PRKCE: variants seen among roughly 807,000 people sequenced by gnomAD.
The protein encoded by PRKCE is protein kinase C epsilon, also known as protein kinase C epsilon type.
PRKCE carries 16 observed loss-of-function variants against 85.4 expected under a neutral mutation model. The ratio of observed to expected loss-of-function variants is 0.19; its 90% CI spans 0.13 to 0.28. The LOEUF is 0.28. Ranked by LOEUF, PRKCE falls within the 10% of genes least tolerant of loss-of-function variation. The pLI is 1.00. For missense variants in PRKCE, 573 were observed against 975.2 expected (o/e 0.59, Z 5.49); for synonymous variants, 388 against 371.5 (o/e 1.04, Z -0.51).
intron 14 of PRKCE, among the ~76,000 whole-genome samples, chr2:46,162,060 C>T (rs765099408): frequency 6.6e-6 from 1 of 152,182 alleles, no homozygotes; most frequent in Non-Finnish European, 1.5e-5. Flanking sequence ...CACTAACACG[C>T]AGGCATTGCC....
intron 10 of PRKCE, among the ~76,000 whole-genome samples, chr2:46,044,202 G>A (rs1285422616): frequency 6.6e-6 from 1 of 152,158 alleles, no homozygotes; most frequent in Non-Finnish European, 1.5e-5. Context: ...GTGCTTAGTG[G>A]GTACAGAATG....
At chr2:46,002,407 C>T (rs1013331067) in intron 7 of PRKCE, among the ~76,000 whole-genome samples, 1 of 152,242 alleles carries the variant, frequency 6.6e-6, no homozygotes, top group African/African-American at 2.4e-5. Flanking sequence ...CTGCAATCTT[C>T]CGCCTAAATA....
intron 10 of PRKCE, among the ~76,000 whole-genome samples, chr2:46,022,750 G>T (rs1019870060): frequency 6.6e-6 from 1 of 152,204 alleles, no homozygotes; most frequent in Non-Finnish European, 1.5e-5. Flanking sequence ...CACACAGAAG[G>T]TTCAATAAAT....
chr2:46,088,225 C>T (rs953584299), intron 11 of PRKCE, among the ~76,000 whole-genome samples: 1 of 152,150 alleles, frequency 6.6e-6, no homozygotes, highest in African/African-American at 2.4e-5. Flanking sequence ...ATACCTTTCT[C>T]TCCTCACTTC....
intron 10 of PRKCE, among the ~76,000 whole-genome samples, chr2:46,016,715 C>A (rs1558963955): frequency 6.6e-6 from 1 of 152,026 alleles, no homozygotes; most frequent in African/African-American, 2.4e-5. Flanking sequence ...TCGAGACCAG[C>A]CTGACCAATT....
intron 2 of PRKCE, among the ~76,000 whole-genome samples, chr2:45,901,216 C>G (rs1445400578): frequency 6.6e-6 from 1 of 152,168 alleles, no homozygotes; most frequent in Non-Finnish European, 1.5e-5. Context: ...GAACTTAGTA[C>G]AAATTGTGCT....
intron 1 of PRKCE, among the ~76,000 whole-genome samples, chr2:45,694,807 G>C (rs934001058): frequency 3.3e-5 from 5 of 152,194 alleles, no homozygotes; most frequent in African/African-American, 1.2e-4. Flanking sequence ...AGTGTATCTG[G>C]GGGTGGATGG....
At chr2:45,862,374 G>A (rs1693238983) in intron 2 of PRKCE, among the ~76,000 whole-genome samples, 1 of 152,150 alleles carries the variant, frequency 6.6e-6, no homozygotes. Context: ...CCTCTCCAGT[G>A]GAACTTGGCC....
chr2:46,171,296 G>A (rs372056609), intron 14 of PRKCE, among the ~76,000 whole-genome samples: 1 of 152,142 alleles, frequency 6.6e-6, no homozygotes, highest in African/African-American at 2.4e-5. Context: ...ATCTCCTGGG[G>A]TGCCCCTAAT....
rs1167109151 is a variant in PRKCE, at chr2:45,652,409, G to C, written c.309G>C (p.Glu103Asp). 6 of 1,610,954 alleles carry C rather than the reference G, an allele frequency of 3.7e-6. No homozygotes were observed. Among genetic ancestry groups the C allele is most frequent in the Non-Finnish European group, 5.1e-6 (6 of 1,179,718 alleles). The stretch of plus-strand genomic sequence containing the variant: ...TGGCCAACTGCACCATCCAGTTTGA[G>C]GAGCTGCTGCAGAACGGGAGCCGCC... ...DFVANCTIQFEELLQNGSRHF... is the reference protein window; with the variant it reads ...DFVANCTIQFDELLQNGSRHF... Residue 103 changes from glutamate to aspartate, a missense_variant, in exon 1 of 15, where the codon GAG (glutamate) becomes GAC (aspartate). Transcript: ENST00000306156. This position sits in a 1 kb window ranked among gnomAD's most constrained non-coding sequence, Gnocchi z 7.7.
intron 6 of PRKCE, among the ~76,000 whole-genome samples, chr2:45,986,624 G>A (rs1396738295): frequency 6.6e-6 from 1 of 152,200 alleles, no homozygotes; most frequent in Non-Finnish European, 1.5e-5. Context: ...TCTGAAAGAG[G>A]AAGTCTTTTT....
Position 45,927,936 on chromosome 2 carries a change from TG to T in PRKCE, c.413-48486del, listed in dbSNP as rs553822550. ...CTTCACTCACGGAGGCAGGAGAGGG[TG>T]GGGGGGCCTGGGTGGTACTGGAGGA... On this transcript the variant is annotated intron_variant, in intron 2 of 14. Transcript: ENST00000306156. Among the ~76,000 whole-genome samples the T allele has an allele frequency of 3.7e-5, 5 of 136,974 alleles. No homozygotes were observed. In the East Asian group the frequency reaches 9.6e-4, roughly 26 times the overall value. The allele number at this position is 136,974 out of a possible 152,430, so 89.9% of individuals were successfully genotyped here.
At chr2:45,841,062 A>C (rs140222883) in intron 1 of PRKCE, among the ~76,000 whole-genome samples, 12 of 152,312 alleles carry the variant, frequency 7.9e-5, no homozygotes, top group African/African-American at 2.9e-4. Context: ...ACAGTGAGCT[A>C]CGAACTAGGG....
chr2:46,178,329 C>T (rs1234349342), intron 14 of PRKCE, among the ~76,000 whole-genome samples: 1 of 152,166 alleles, frequency 6.6e-6, no homozygotes, highest in African/African-American at 2.4e-5. Context: ...GCCAGATGAC[C>T]CCTCTATACA....
At chr2:46,119,420 G>A (rs538012686) in intron 11 of PRKCE, among the ~76,000 whole-genome samples, 1 of 152,136 alleles carries the variant, frequency 6.6e-6, no homozygotes, top group South Asian at 2.1e-4. Flanking sequence ...AAGTGGGTGG[G>A]GGGAGACATT....
At chr2:45,737,652 T>C (rs1040051205) in intron 1 of PRKCE, among the ~76,000 whole-genome samples, 1 of 152,084 alleles carries the variant, frequency 6.6e-6, no homozygotes, top group Admixed American at 6.6e-5. Context: ...CCTGGAGCCT[T>C]AAGACACAGA....
chr2:46,178,603 T>G (rs373653442), intron 14 of PRKCE, among the ~76,000 whole-genome samples: 2 of 152,338 alleles, frequency 1.3e-5, no homozygotes, highest in South Asian at 4.1e-4. Context: ...TATATGTATC[T>G]ATATGAGGAT....
intron 2 of PRKCE, among the ~76,000 whole-genome samples, chr2:45,944,168 G>A (rs1256225682): frequency 3.3e-5 from 5 of 152,158 alleles, no homozygotes; most frequent in South Asian, 2.1e-4. Flanking sequence ...GAATCACTTC[G>A]TTGGTGACTC....
chr2:46,166,824 C>G (rs1678388503), intron 14 of PRKCE: 1 of 152,158 alleles, frequency 6.6e-6, no homozygotes, highest in Non-Finnish European at 1.5e-5. Flanking sequence ...AACCCTGTCT[C>G]TACAAAAAAT....
Sources: allele counts gnomAD v4.1 joint callset (sites outside exome capture counted in the v4.1 genomes callset), GRCh38; gene constraint gnomAD v4.1.1; non-coding constraint Gnocchi (gnomAD v3.1); transcripts MANE v1.5; gene names NCBI Gene and HGNC (gene_info 2026-07-23, HGNC 2026-07-21).